USH2A: variants seen among roughly 807,000 people sequenced by gnomAD.
USH2A encodes Usher syndrome 2A (autosomal recessive, mild).
USH2A carries 443 observed loss-of-function variants against 538.9 expected under a neutral mutation model. That is an observed-to-expected ratio of 0.82 (90% CI 0.76 to 0.89). USH2A has a LOEUF of 0.89. USH2A is among the 40% of genes least tolerant of loss of function. The pLI, the probability that USH2A is intolerant of heterozygous loss-of-function variation, is 0.00. For missense variants in USH2A, 6,633 were observed against 6,324.8 expected, an observed-to-expected ratio of 1.05 and a Z score of -1.65; for synonymous variants, 2,413 against 2,273.5, an observed-to-expected ratio of 1.06 and a Z score of -1.75.
chr1:216,110,826 C>G (rs564713585), intron 21 of USH2A, among the ~76,000 whole-genome samples: 40 of 152,264 alleles, frequency 2.6e-4, no homozygotes, highest in African/African-American at 9.4e-4. Context: ...TACAGGGCAT[C>G]AATAAATAAA....
intron 3 of USH2A, among the ~76,000 whole-genome samples, chr1:216,394,827 T>A (rs1014058091): frequency 1.9e-4 from 28 of 149,520 alleles, no homozygotes; most frequent in Non-Finnish European, 3.7e-4. Context: ...CACGCCATTC[T>A]CCTGCCTCAG....
chr1:216,249,639 T>C (rs1026458224), intron 12 of USH2A, among the ~76,000 whole-genome samples: 8 of 152,162 alleles, frequency 5.3e-5, no homozygotes, highest in African/African-American at 1.9e-4. Context: ...TAAATTATGG[T>C]ACAGATTTTC....
chr1:215,834,713 T>G (rs1201612191), intron 47 of USH2A, among the ~76,000 whole-genome samples: 1 of 152,088 alleles, frequency 6.6e-6, no homozygotes, highest in Non-Finnish European at 1.5e-5. Flanking sequence ...ATTGTTGGTA[T>G]CCAGGGAATC....
At chr1:216,009,655 A>G (rs1668495925) in intron 32 of USH2A, among the ~76,000 whole-genome samples, 1 of 151,706 alleles carries the variant, frequency 6.6e-6, no homozygotes, top group African/African-American at 2.4e-5. Flanking sequence ...TTTTCTACAG[A>G]CCCATCTGAC....
At chr1:216,215,879 A>C (rs1019079616) in intron 15 of USH2A, among the ~76,000 whole-genome samples, 1 of 152,064 alleles carries the variant, frequency 6.6e-6, no homozygotes, top group East Asian at 1.9e-4. Context: ...ACCACTACTA[A>C]GAGTTGTAGG....
At chr1:216,268,481 C>G (rs2036516790) in intron 11 of USH2A, among the ~76,000 whole-genome samples, 1 of 152,116 alleles carries the variant, frequency 6.6e-6, no homozygotes, top group South Asian at 2.1e-4. Flanking sequence ...AAGTATTACT[C>G]TGTACATTTC....
intron 61 of USH2A, among the ~76,000 whole-genome samples, chr1:215,691,805 T>C (rs1314951559): frequency 6.6e-6 from 1 of 152,098 alleles, no homozygotes; most frequent in African/African-American, 2.4e-5. Flanking sequence ...TCAGTGAATA[T>C]GGACAGAATT....
At chr1:216,232,913 T>C (rs1345320634) in intron 13 of USH2A, among the ~76,000 whole-genome samples, 6 of 152,194 alleles carry the variant, frequency 3.9e-5, no homozygotes, top group South Asian at 2.1e-4. Context: ...AAACAGAAGA[T>C]TGAGAAGGTT....
In USH2A at chr1:215,861,612, G is replaced by T. The variant is rs183083761; in HGVS notation, c.8845+5395C>A. Among the ~76,000 whole-genome samples the T allele has an allele frequency of 5.3e-5, 8 of 152,160 alleles. No homozygotes were observed. The East Asian group carries it at 1.5e-3, about 29-fold the overall frequency. On this transcript the variant is annotated intron_variant, in intron 44 of 71. Transcript: ENST00000307340. ...GTCCTCATTCCAGTCCAGGGGAAGG[G>T]CTAAAAGAGAACAAGTAGGCACACA...
intron 3 of USH2A, among the ~76,000 whole-genome samples, chr1:216,371,331 G>A (rs1433869454): frequency 6.6e-6 from 1 of 152,138 alleles, no homozygotes; most frequent in Non-Finnish European, 1.5e-5. Context: ...AGTTTTTAGT[G>A]TCTCTCTTCT....
chr1:215,956,578 C>T (rs573762199), intron 37 of USH2A, among the ~76,000 whole-genome samples: 3 of 152,142 alleles, frequency 2.0e-5, no homozygotes, highest in Non-Finnish European at 2.9e-5. Context: ...AAAGTTAAGC[C>T]ATGAGGACAA....
intron 3 of USH2A, among the ~76,000 whole-genome samples, chr1:216,418,225 T>C (rs543286767): frequency 6.6e-6 from 1 of 152,180 alleles, no homozygotes; most frequent in African/African-American, 2.4e-5. Flanking sequence ...AAATAGAATA[T>C]ACGAACCCAA....
chr1:215,712,522 G>T (rs1205455334), intron 61 of USH2A, among the ~76,000 whole-genome samples: 1 of 152,150 alleles, frequency 6.6e-6, no homozygotes, highest in Non-Finnish European at 1.5e-5. Context: ...ACTAAGTGAG[G>T]TACCACCAGA....
intron 21 of USH2A, among the ~76,000 whole-genome samples, chr1:216,158,586 T>TA (rs1236783477): frequency 6.6e-6 from 1 of 152,198 alleles, no homozygotes; most frequent in Non-Finnish European, 1.5e-5. Flanking sequence ...TTACTATACT[T>TA]ATCTGTTCTT....
chr1:216,196,058 T>C (rs1334366397), intron 19 of USH2A: 1 of 173,510 alleles, frequency 5.8e-6, no homozygotes, highest in African/African-American at 2.4e-5. Context: ...TTCAAAACTT[T>C]GAACATATTC....
At chr1:216,379,774 A>G (rs546634522) in intron 3 of USH2A, among the ~76,000 whole-genome samples, 111 of 152,330 alleles carry the variant, frequency 7.3e-4, no homozygotes, top group African/African-American at 2.6e-3. Context: ...AAAGAAAACA[A>G]TTGAAAAGCT....
chr1:215,724,514 G>T (rs1232968730), intron 61 of USH2A, among the ~76,000 whole-genome samples: 1 of 152,080 alleles, frequency 6.6e-6, no homozygotes, highest in East Asian at 1.9e-4. Context: ...TGATGGGTAC[G>T]ATGTACATTA....
chr1:216,373,173 G>A (rs1464522655), intron 3 of USH2A, among the ~76,000 whole-genome samples: 1 of 152,108 alleles, frequency 6.6e-6, no homozygotes, highest in South Asian at 2.1e-4. Context: ...CTACACATAA[G>A]GGGTATATAA....
chr1:216,106,083 A>G (rs1229788422), intron 21 of USH2A, among the ~76,000 whole-genome samples: 1 of 150,126 alleles, frequency 6.7e-6, no homozygotes, highest in African/African-American at 2.4e-5. Flanking sequence ...TTGTTTTAGC[A>G]GTGGCTAGAA....
Sources: gnomAD v4.1 joint callset for allele counts (sites outside exome capture counted in the v4.1 genomes callset) on GRCh38, gnomAD v4.1.1 for gene constraint, MANE v1.5 for transcripts, NCBI Gene and HGNC (gene_info 2026-07-23, HGNC 2026-07-21) for gene names.